IL1RAP: variants seen among roughly 807,000 people sequenced by gnomAD.
The protein encoded by IL1RAP is interleukin-1 receptor accessory protein.
In IL1RAP, 35 loss-of-function variants were observed where a neutral mutation model predicts 60.7. The ratio of observed to expected loss-of-function variants is 0.58; its 90% CI spans 0.44 to 0.76. IL1RAP has a LOEUF of 0.76. IL1RAP is among the 30% of genes least tolerant of loss of function. IL1RAP has a pLI of 0.00. For missense variants in IL1RAP, 572 were observed against 693.9 expected, an observed-to-expected ratio of 0.82 and a Z score of 1.97; for synonymous variants, 268 against 250.9, an observed-to-expected ratio of 1.07 and a Z score of -0.64.
At chr3:190,630,735 A>G (rs1322022843) in intron 9 of IL1RAP, among the ~76,000 whole-genome samples, 4 of 152,318 alleles carry the variant, frequency 2.6e-5, no homozygotes, top group South Asian at 2.1e-4. Context: ...CGGGAACACT[A>G]CTAAGAATCA....
chr3:190,573,258 G>A (rs960038232), intron 3 of IL1RAP, among the ~76,000 whole-genome samples: 7 of 152,092 alleles, frequency 4.6e-5, no homozygotes, highest in African/African-American at 1.4e-4. Context: ...AAGAGATGGC[G>A]GGCAAAAGTG....
chr3:190,537,484 G>T (rs1026879883), intron 1 of IL1RAP, among the ~76,000 whole-genome samples: 1 of 152,156 alleles, frequency 6.6e-6, no homozygotes, highest in African/African-American at 2.4e-5. Context: ...AATGATTTGT[G>T]ATTCCACTAA....
intron 5 of IL1RAP, among the ~76,000 whole-genome samples, chr3:190,615,966 C>T (rs62288218): frequency 0.047 from 7,207 of 152,212 alleles, 269 homozygotes; most frequent in Non-Finnish European, 0.06. Flanking sequence ...ACCTACACTT[C>T]CTATATAGTG....
Position 190,609,074 on chromosome 3 carries a change from C to T in IL1RAP, c.430C>T (p.Leu144Phe), listed in dbSNP as rs751397200. ...KDSCFNSPMKLPVHKLYIEYG... is the reference protein window; with the variant it reads ...KDSCFNSPMKFPVHKLYIEYG... The stretch of plus-strand genomic sequence containing the variant: ...CAGCTGTTTCAATTCCCCCATGAAA[C>T]TCCCAGTGCATAAACTGTATATAGA... Residue 144 changes from leucine to phenylalanine, a missense_variant, in exon 5 of 12, where the codon CTC becomes TTC. Coordinates refer to ENST00000447382, the MANE Select transcript of IL1RAP (RefSeq NM_002182.4). 2.5e-6 allele frequency: 4 copies of T among 1,613,348 alleles called. No homozygotes were observed. The highest frequency in any genetic ancestry group is 3.4e-6 in the Non-Finnish European group (4 of 1,179,508).
intron 1 of IL1RAP, among the ~76,000 whole-genome samples, chr3:190,542,646 G>A (rs993117366): frequency 2.6e-5 from 4 of 151,924 alleles, no homozygotes; most frequent in Non-Finnish European, 5.9e-5. Context: ...ACCCTCTCTT[G>A]GCTTTCCTCT....
rs142194077 is a variant in IL1RAP at position 190,589,725 on chromosome 3, C to A, written c.65-14403C>A. On this transcript the variant is annotated intron_variant, in intron 3 of 11. Coordinates refer to ENST00000447382, the MANE Select transcript of IL1RAP (RefSeq NM_002182.4). ...AAAGCTCCTAATTGAAAGTTGAAGG[C>A]CCCGATGTACTTTTATGGAATGAGT... 4.6e-3 allele frequency among the ~76,000 whole-genome samples: 706 copies of A among 152,282 alleles called. 5 individuals are homozygous for A. Among genetic ancestry groups the A allele is most frequent in the African/African-American group, 0.016 (679 of 41,558 alleles).
intron 3 of IL1RAP, among the ~76,000 whole-genome samples, chr3:190,587,299 T>C (rs1204005658): frequency 6.6e-6 from 1 of 152,226 alleles, no homozygotes; most frequent in Non-Finnish European, 1.5e-5. Context: ...TTAACTTATC[T>C]ATGCTTCATG....
intron 5 of IL1RAP, 101 bp downstream of exon 5, chr3:190,609,282 A>C: frequency 1.3e-6 from 1 of 781,288 alleles, no homozygotes; most frequent in Non-Finnish European, 2.0e-6. Context: ...TTCTCTTCAG[A>C]TTATCTGATC....
At chr3:190,540,586 T>A (rs747160385) in intron 1 of IL1RAP, among the ~76,000 whole-genome samples, 1 of 152,084 alleles carries the variant, frequency 6.6e-6, no homozygotes, top group Non-Finnish European at 1.5e-5. Context: ...CTTCTGATTT[T>A]CCTACCTGTT....
intron 9 of IL1RAP, among the ~76,000 whole-genome samples, chr3:190,639,144 A>G (rs1733459037): frequency 1.3e-5 from 2 of 152,080 alleles, no homozygotes; most frequent in South Asian, 4.1e-4. Flanking sequence ...TAAACTTCTC[A>G]GTTCTATGTG....
chr3:190,634,422 G>A (rs1441383809), intron 9 of IL1RAP, among the ~76,000 whole-genome samples: 1 of 151,254 alleles, frequency 6.6e-6, no homozygotes, highest in African/African-American at 2.4e-5. Context: ...CTGAGTAGCT[G>A]GGATTAGAGG....
chr3:190,614,787 A>T (rs1364883092), intron 5 of IL1RAP, among the ~76,000 whole-genome samples: 16 of 151,910 alleles, frequency 1.1e-4, no homozygotes, highest in Admixed American at 1.1e-3. Flanking sequence ...CAAAAACTCT[A>T]CTCTCTAGAA....
chr3:190,642,177 T>A (rs937038623), intron 9 of IL1RAP: 2 of 152,260 alleles, frequency 1.3e-5, no homozygotes, highest in African/African-American at 2.4e-5. Flanking sequence ...GTGAAGCTGA[T>A]CTGCCTGCAA....
At chr3:190,645,967 G>A in intron 11 of IL1RAP, 125 bp downstream of exon 11, 1 of 734,480 alleles carries the variant, frequency 1.4e-6, no homozygotes, top group East Asian at 2.7e-5. Flanking sequence ...GCTCTTTGAT[G>A]TAACAGACTC....
At chr3:190,634,106 A>G (rs1468402821) in intron 9 of IL1RAP, among the ~76,000 whole-genome samples, 2 of 152,084 alleles carry the variant, frequency 1.3e-5, no homozygotes, top group Non-Finnish European at 2.9e-5. Flanking sequence ...TATTGAGAGA[A>G]TTATATGTTT....
At chr3:190,619,519 G>T (rs1731573960) in intron 5 of IL1RAP, among the ~76,000 whole-genome samples, 1 of 152,146 alleles carries the variant, frequency 6.6e-6, no homozygotes, top group Admixed American at 6.5e-5. Flanking sequence ...GAGGTCAGGA[G>T]TTCAAGACCA....
chr3:190,577,169 A>G (rs189582517), intron 3 of IL1RAP, among the ~76,000 whole-genome samples: 4 of 152,184 alleles, frequency 2.6e-5, no homozygotes, highest in Admixed American at 2.6e-4. Context: ...TATTCATGAT[A>G]AAGGGAGCTT....
rs1200775636 is a variant in IL1RAP at position 190,572,859 on chromosome 3, G to GTTTTTTTTTTTTTT, written c.64+8515_64+8528dup. ...TCAGCATGTCCAGGGTTAATGCTTT[G>GTTTTTTTTTTTTTT]TTTTTTTTTTTTTTTTTTTTTTGAG... is the stretch of plus-strand genomic sequence containing the variant. On this transcript the variant is annotated intron_variant, in intron 3 of 11. Transcript: ENST00000447382. Among the ~76,000 whole-genome samples the GTTTTTTTTTTTTTT allele has an allele frequency of 7.9e-4, 31 of 39,050 alleles. 10 individuals carry two copies. The highest frequency in any genetic ancestry group is 9.7e-4 in the African/African-American group (8 of 8,280). 25.6% of individuals were successfully genotyped at this position (39,050 alleles called of 152,430 possible). A position where few individuals can be genotyped will look rare whatever the true frequency, so the allele number is the denominator to read the frequency against.
chr3:190,622,183 T>G (rs1731836329), intron 6 of IL1RAP, among the ~76,000 whole-genome samples: 1 of 152,236 alleles, frequency 6.6e-6, no homozygotes, highest in Non-Finnish European at 1.5e-5. Context: ...TTATGCAACA[T>G]AAGACATCTA....
Sources: allele counts gnomAD v4.1 joint callset (sites outside exome capture counted in the v4.1 genomes callset), GRCh38; gene constraint gnomAD v4.1.1; transcripts MANE v1.5; gene names NCBI Gene and HGNC (gene_info 2026-07-23, HGNC 2026-07-21).